ACCSL: variants seen among roughly 807,000 people sequenced by gnomAD.
ACCSL encodes the protein probable inactive 1-aminocyclopropane-1-carboxylate synthase-like protein 2.
Under a neutral mutation model 61.7 loss-of-function variants are expected in ACCSL, and 55 were observed. The observed-to-expected ratio is 0.89, with a 90% CI of 0.72 to 1.12. ACCSL has a LOEUF of 1.12. Among genes scored for constraint, ACCSL ranks in the 50% most tolerant of loss-of-function variants. ACCSL has a pLI of 0.00. For missense variants in ACCSL, 632 were observed against 698.0 expected, an observed-to-expected ratio of 0.91 and a Z score of 1.07; for synonymous variants, 258 against 264.3, an observed-to-expected ratio of 0.98 and a Z score of 0.23.
At chr11:44,026,306 G>C in the ACCSL span, among the ~76,000 whole-genome samples, 43 of 151,918 alleles carry the variant, frequency 2.8e-4, 1 homozygote, top group African/African-American at 9.9e-4. Flanking sequence ...CAATTCTACT[G>C]TTGAGCCCCT....
chr11:43,927,739 C>T, the ACCSL span, among the ~76,000 whole-genome samples: 1 of 152,170 alleles, frequency 6.6e-6, no homozygotes, highest in Non-Finnish European at 1.5e-5. Flanking sequence ...CCAATTTATC[C>T]ACCTGCCAGT....
At chr11:43,971,958 A>G in the ACCSL span, among the ~76,000 whole-genome samples, 4 of 152,210 alleles carry the variant, frequency 2.6e-5, no homozygotes, top group South Asian at 2.1e-4. Context: ...TACAACTGGT[A>G]CAATTTTATA....
chr11:43,933,177 A>G, the ACCSL span: 1 of 456,250 alleles, frequency 2.2e-6, no homozygotes, highest in South Asian at 1.5e-5. Context: ...TTATGGAATC[A>G]TGGTACTGGC....
rs763059170 is a variant in ACCSL at position 44,048,074 on chromosome 11, G to C, written c.38G>C (p.Gly13Ala). Reference sequence around the variant, plus strand: ...TCAGACACCCTTCCTGTGCCCTCTGGTCAGAGGAGAGGCCGGGTCCCCAGA... The same window carrying C: ...TCAGACACCCTTCCTGTGCCCTCTGCTCAGAGGAGAGGCCGGGTCCCCAGA... The part of the protein sequence containing the change: ...HRSDTLPVPS[G>A]QRRGRVPRDH... Residue 13 changes from glycine to alanine, a missense_variant, in exon 1 of 14, where the codon GGT becomes GCT. Gly to Ala is a moderately conservative substitution (Grantham distance 60). Transcript: ENST00000378832. The C allele has an allele frequency of 1.2e-6, 2 of 1,613,976 alleles. No homozygotes were observed. The highest frequency in any genetic ancestry group is 4.5e-5 in the East Asian group (2 of 44,892).
At chr11:44,050,699 A>G in intron 3 of ACCSL, 77 bp downstream of exon 3, 1 of 1,419,088 alleles carries the variant, frequency 7.0e-7, no homozygotes, top group Non-Finnish European at 9.8e-7. Flanking sequence ...TCAAGGCACC[A>G]AATTCCTGGT....
At chr11:43,939,075 T>C in the ACCSL span, among the ~76,000 whole-genome samples, 2 of 152,222 alleles carry the variant, frequency 1.3e-5, no homozygotes, top group African/African-American at 4.8e-5. Flanking sequence ...TCTTGCAAAC[T>C]GGCCAATCTC....
the ACCSL span, among the ~76,000 whole-genome samples, chr11:44,024,001 T>G: frequency 6.6e-6 from 1 of 152,226 alleles, no homozygotes; most frequent in Non-Finnish European, 1.5e-5. Context: ...TGTGTCAATT[T>G]GACTGGGGCA....
chr11:43,934,730 A>G, the ACCSL span, among the ~76,000 whole-genome samples: 1 of 152,148 alleles, frequency 6.6e-6, no homozygotes, highest in Non-Finnish European at 1.5e-5. Context: ...CCTACCCCCC[A>G]GGGAAAAGCA....
chr11:43,973,477 C>CT, the ACCSL span, among the ~76,000 whole-genome samples: 1 of 151,848 alleles, frequency 6.6e-6, no homozygotes, highest in Non-Finnish European at 1.5e-5. Flanking sequence ...GGAAAAGAAA[C>CT]CTTAGTACAT....
the ACCSL span, among the ~76,000 whole-genome samples, chr11:43,940,770 G>A: frequency 1.4e-5 from 2 of 145,976 alleles, no homozygotes; most frequent in African/African-American, 2.6e-5. Flanking sequence ...TTTGTTCTTC[G>A]AATACACCAA....
chr11:43,955,796 A>G, the ACCSL span, among the ~76,000 whole-genome samples: 1 of 151,998 alleles, frequency 6.6e-6, no homozygotes, highest in Non-Finnish European at 1.5e-5. Flanking sequence ...ACAATTTTTT[A>G]TGTCTACACC....
chr11:43,968,344 C>T, the ACCSL span, among the ~76,000 whole-genome samples: 9 of 152,172 alleles, frequency 5.9e-5, no homozygotes, highest in Non-Finnish European at 8.8e-5. Context: ...ACCCACGACC[C>T]CACACCCACA....
the ACCSL span, among the ~76,000 whole-genome samples, chr11:43,934,360 A>G: frequency 5.8e-4 from 88 of 152,260 alleles, no homozygotes; most frequent in African/African-American, 2.1e-3. Flanking sequence ...GGGCCGGGAC[A>G]GGGGGCAGGA....
chr11:44,050,605 T>C lies in ACCSL; in HGVS notation c.618T>C (p.Asp206=). Residue 206 remains aspartate (D), a synonymous_variant, in exon 3 of 14, where the codon GAT becomes GAC. Coordinates refer to ENST00000378832, the MANE Select transcript of ACCSL (RefSeq NM_001031854.2). ...CIEDTLLQYP[D]WRGQPFLREE... is the part of the protein sequence containing the mutation. ...AGGACACCTTGCTTCAGTACCCTGA[T>C]TGGAGAGGGCAGCCATTGTAAGTGA... is the stretch of plus-strand genomic sequence containing the variant. 3 of 1,614,084 alleles carry C rather than the reference T, an allele frequency of 1.9e-6. No homozygotes were observed. Among genetic ancestry groups the C allele is most frequent in the Non-Finnish European group, 2.5e-6 (3 of 1,180,006 alleles).
chr11:44,043,212 T>A (rs983405819), upstream of ACCSL, among the ~76,000 whole-genome samples: 1 of 152,188 alleles, frequency 6.6e-6, no homozygotes, highest in African/African-American at 2.4e-5. Context: ...GCTATCACCA[T>A]CTACCTACCA....
At chr11:44,025,282 T>TC in the ACCSL span, among the ~76,000 whole-genome samples, 15 of 152,142 alleles carry the variant, frequency 9.9e-5, no homozygotes, top group African/African-American at 7.2e-5. Flanking sequence ...ATGGATATTT[T>TC]TAAATATATA....
the ACCSL span, among the ~76,000 whole-genome samples, chr11:43,982,781 C>A: frequency 1.3e-5 from 2 of 152,100 alleles, no homozygotes; most frequent in Non-Finnish European, 1.5e-5. Context: ...AGGTTCAGGT[C>A]CCCAGAAGCG....
chr11:44,019,962 G>A, the ACCSL span, among the ~76,000 whole-genome samples: 7 of 152,152 alleles, frequency 4.6e-5, no homozygotes, highest in Non-Finnish European at 1.0e-4. Flanking sequence ...CCATCCTTTT[G>A]CATGTGGATA....
chr11:44,032,921 G>A, the ACCSL span, among the ~76,000 whole-genome samples: 6 of 152,200 alleles, frequency 3.9e-5, no homozygotes, highest in African/African-American at 1.2e-4. Context: ...AGGGAGACGC[G>A]GGTGGAGACT....
Sources: allele counts gnomAD v4.1 joint callset (sites outside exome capture counted in the v4.1 genomes callset), GRCh38; gene constraint gnomAD v4.1.1; transcripts MANE v1.5; gene names NCBI Gene and HGNC (gene_info 2026-07-23, HGNC 2026-07-21).